Variants in COL16A1 observed in about 807,000 individuals in gnomAD.
COL16A1 encodes the protein collagen alpha-1(XVI) chain.
A neutral mutation model predicts 266.3 loss-of-function variants in COL16A1; 189 were observed. The observed-to-expected ratio is 0.71, with a 90% CI of 0.63 to 0.80. The LOEUF is 0.80. Ranked by LOEUF, COL16A1 falls within the 30% of genes least tolerant of loss-of-function variation. The pLI, the probability that COL16A1 is intolerant of heterozygous loss-of-function variation, is 0.00. For synonymous variants in COL16A1, 740 were observed against 782.3 expected, an observed-to-expected ratio of 0.95 and a Z score of 0.90; for missense variants, 1,928 against 2,122.4, an observed-to-expected ratio of 0.91 and a Z score of 1.80.
chr1:31,662,219 G>A (rs1641731650), intron 58 of COL16A1, 115 bp downstream of exon 58: 1 of 1,531,694 alleles, frequency 6.5e-7, no homozygotes, highest in African/African-American at 1.4e-5. Context: ...GGGCATGGGT[G>A]CCCCCTGACA....
At chr1:31,673,504 G>A (rs984279706) in intron 44 of COL16A1, among the ~76,000 whole-genome samples, 3 of 152,188 alleles carry the variant, frequency 2.0e-5, no homozygotes, top group East Asian at 1.9e-4. Context: ...GGCCAGTGTC[G>A]TGTCCACAGA....
Position 31,652,870 on chromosome 1 carries a change from C to T in COL16A1, c.4613-17G>A. On this transcript the variant is annotated splice_polypyrimidine_tract_variant and intron_variant, in intron 70 of 70. Transcript: ENST00000373672. The surrounding 1 kb of genome is among the most constrained non-coding windows in gnomAD (Gnocchi z 4.8). ...CTTGAGGACCTAGGGAGGGAAGGGC[C>T]ACAGAGGGAAAATCAGAAGACCCAG... 1.4e-6 allele frequency: 2 copies of T among 1,471,400 alleles called. No individual in the cohort carries two copies. Among genetic ancestry groups the T allele is most frequent in the Non-Finnish European group, 1.8e-6 (2 of 1,110,900 alleles). The allele number at this position is 1,471,400 out of a possible 1,614,324, so 91.1% of individuals were successfully genotyped here.
Position 31,652,624 on chromosome 1 carries a change from C to T in COL16A1, c.*27G>A. The T allele has an allele frequency of 6.5e-7, 1 of 1,540,320 alleles. No homozygotes were observed. The highest frequency in any genetic ancestry group is 8.7e-7 in the Non-Finnish European group (1 of 1,147,660). ...TTTGGCCATTTATTCCCAACGGAGT[C>T]TTTCATCCAAAGGCAGGTGGGGAAT... On this transcript the variant is annotated 3_prime_UTR_variant, in exon 71 of 71. Coordinates refer to ENST00000373672, the MANE Select transcript of COL16A1 (RefSeq NM_001856.4). This position sits in a 1 kb window ranked among gnomAD's most constrained non-coding sequence, Gnocchi z 4.8.
Position 31,670,567 on chromosome 1 carries a change from G to C in COL16A1, c.3195+35C>G, listed in dbSNP as rs2292990. The C allele has an allele frequency of 0.58, 779,395 of 1,348,352 alleles. 231,710 individuals carry two copies. The highest frequency in any genetic ancestry group is 0.63 in the South Asian group (31,468 of 49,954). 83.5% of individuals were successfully genotyped at this position (1,348,352 alleles called of 1,614,324 possible). On this transcript the variant is annotated intron_variant, in intron 49 of 70. Transcript: ENST00000373672. The surrounding 1 kb of genome is among the most constrained non-coding windows in gnomAD (Gnocchi z 4.5). ...AAAGCCACAGAGACCTGGCTGACGG[G>C]GGGGAGGGGAGGTCGAGCAGCGCTA... is the stretch of plus-strand genomic sequence containing the variant.
Position 31,688,615 on chromosome 1 carries a change from T to G in COL16A1, c.1768-113A>C. On this transcript the variant is annotated intron_variant, in intron 25 of 70. Transcript: ENST00000373672. The surrounding 1 kb of genome is among the most constrained non-coding windows in gnomAD (Gnocchi z 4.9). ...AACGGTAAGATAGGAATTATGTCCT[T>G]CAGGTAGCTGGACAGTTTCTTCAGT... The G allele has an allele frequency of 7.0e-7, 1 of 1,424,152 alleles. No homozygotes were observed. Among genetic ancestry groups the G allele is most frequent in the Admixed American group, 1.7e-5 (1 of 59,104 alleles). The allele number at this position is 1,424,152 out of a possible 1,614,324, so 88.2% of individuals were successfully genotyped here.
intron 42 of COL16A1, among the ~76,000 whole-genome samples, chr1:31,678,872 C>T (rs1643394719): frequency 6.6e-6 from 1 of 152,162 alleles, no homozygotes; most frequent in Non-Finnish European, 1.5e-5. Context: ...CTGGAATGTA[C>T]CCTTTATTCA....
rs1280006062 is a variant in COL16A1, at chr1:31,696,951, C to A, written c.864+12G>T. ...CTGCCTGTGCTGGCATCCACCTGTCCTGCCCACCCACCTCGCTGTTTTGAG... is the reference window on the plus strand; with the variant it reads ...CTGCCTGTGCTGGCATCCACCTGTCATGCCCACCCACCTCGCTGTTTTGAG... On this transcript the variant is annotated intron_variant, in intron 8 of 70. Transcript: ENST00000373672. 2 of 1,613,522 alleles carry A rather than the reference C, an allele frequency of 1.2e-6. No homozygotes were observed. The highest frequency in any genetic ancestry group is 8.5e-7 in the Non-Finnish European group (1 of 1,179,960).
chr1:31,667,474 G>A (rs1642233160), intron 52 of COL16A1, 101 bp downstream of exon 52: 5 of 991,026 alleles, frequency 5.0e-6, no homozygotes, highest in Non-Finnish European at 7.5e-6. Flanking sequence ...GGCAGCAGGG[G>A]TCACGATCCT....
chr1:31,680,014 G>T (rs200051819), intron 40 of COL16A1, 28 bp downstream of exon 40: 4 of 1,612,616 alleles, frequency 2.5e-6, no homozygotes, highest in East Asian at 2.2e-5. Context: ...TCCCCCAGTT[G>T]GGGGAAGGCT....
intron 68 of COL16A1, among the ~76,000 whole-genome samples, 179 bp downstream of exon 68, chr1:31,654,613 G>A (rs1409566982): frequency 6.6e-6 from 1 of 152,190 alleles, no homozygotes; most frequent in African/African-American, 2.4e-5. Context: ...AACAGAACAG[G>A]TGACAAGGAA....
At chr1:31,658,393 C>G in intron 64 of COL16A1, 95 bp downstream of exon 64, 2 of 1,083,816 alleles carry the variant, frequency 1.8e-6, no homozygotes. Flanking sequence ...GCCTCTCCTT[C>G]CTTAGAGACC....
At position 31,656,827 on chromosome 1, in the gene COL16A1, A is replaced by G. The variant is rs1186783420; in HGVS notation, c.4056+206T>C. The G allele has an allele frequency of 1.8e-5, 10 of 550,344 alleles. No individual in the cohort carries two copies. Among genetic ancestry groups the G allele is most frequent in the South Asian group, 1.1e-4 (4 of 36,222 alleles). 34.1% of individuals were successfully genotyped at this position (550,344 alleles called of 1,614,324 possible). A position where few individuals can be genotyped will look rare whatever the true frequency, so the allele number is the denominator to read the frequency against. ...TTTTTGACCAGGTACAGGGTTTAAA[A>G]AAAAAAAAAAAAAGGTAAAACAAAT... On this transcript the variant is annotated intron_variant, in intron 65 of 70. Transcript: ENST00000373672. This position sits in a 1 kb window ranked among gnomAD's most constrained non-coding sequence, Gnocchi z 4.2.
Position 31,668,764 on chromosome 1 carries a change from T to A in COL16A1, c.3249+38A>T. ...CTCTGCCTCCCCAGCTCTTCCTCCC[T>A]TTCCAGCCCTTTCCAGCCCCTGCCA... On this transcript the variant is annotated intron_variant, in intron 50 of 70. Transcript: ENST00000373672. This position sits in a 1 kb window ranked among gnomAD's most constrained non-coding sequence, Gnocchi z 5.8. 1 of 1,612,662 alleles carries A rather than the reference T, an allele frequency of 6.2e-7. No homozygotes were observed. Among genetic ancestry groups the A allele is most frequent in the Non-Finnish European group, 8.5e-7 (1 of 1,178,968 alleles).
intron 42 of COL16A1, chr1:31,679,374 T>C (rs1291386890): frequency 9.3e-6 from 14 of 1,497,982 alleles, no homozygotes; most frequent in Middle Eastern, 1.8e-4. Flanking sequence ...AAGGGATTTT[T>C]ATCTGACCCA....
intron 42 of COL16A1, among the ~76,000 whole-genome samples, chr1:31,676,324 CAAA>C (rs11449957): frequency 1.6e-4 from 16 of 100,288 alleles, no homozygotes; most frequent in Admixed American, 1.9e-4. Context: ...GACTCCGTCT[CAAA>C]AAAAAAAAAA....
At chr1:31,691,541 G>T in intron 18 of COL16A1, 29 bp from the exon 19 acceptor site, 1 of 1,613,956 alleles carries the variant, frequency 6.2e-7, no homozygotes, top group Non-Finnish European at 8.5e-7. Flanking sequence ...GGGCATCAGA[G>T]AGCTGCCACC....
In COL16A1 at chr1:31,675,276, A is replaced by T. The variant is rs545135127; in HGVS notation, c.2808T>A (p.Pro936=). ...TACCCACCAGTTCTGCAGTGAGCCC[A>T]GGCTGTCCTGGCAAACCGTTGTTTC... is the stretch of plus-strand genomic sequence containing the variant. ...VPGNNGLPGQ[P]GLTAELGSLP... Residue 936 remains proline (P), a synonymous_variant, in exon 43 of 71, where the codon CCT becomes CCA. Transcript: ENST00000373672. The T allele has an allele frequency of 1.6e-5, 26 of 1,614,214 alleles. No individual in the cohort carries two copies. The South Asian group carries it at 2.9e-4, about 18-fold the overall frequency.
chr1:31,702,344 G>C (rs1369420318), intron 1 of COL16A1, 117 bp from the exon 2 acceptor site: 4 of 1,011,120 alleles, frequency 4.0e-6, no homozygotes, highest in Non-Finnish European at 5.9e-6. Flanking sequence ...GTGGCAGGAG[G>C]TCTGGCCAGG....
intron 47 of COL16A1, among the ~76,000 whole-genome samples, chr1:31,672,031 G>A (rs1241890285): frequency 6.6e-6 from 1 of 152,212 alleles, no homozygotes; most frequent in Admixed American, 6.5e-5. Flanking sequence ...CCTGAATGAA[G>A]TAAATAGGCA....
Sources: gnomAD v4.1 joint callset for allele counts (sites outside exome capture counted in the v4.1 genomes callset) on GRCh38, gnomAD v4.1.1 for gene constraint, Gnocchi (gnomAD v3.1) non-coding constraint, MANE v1.5 for transcripts, NCBI Gene and HGNC (gene_info 2026-07-23, HGNC 2026-07-21) for gene names.